Variants in TRAPPC8 observed in about 807,000 individuals in gnomAD.
The protein encoded by TRAPPC8 is general sporulation gene 1 homolog.
In TRAPPC8, 54 loss-of-function variants were observed where a neutral mutation model predicts 174.3. That is an observed-to-expected ratio of 0.31 (90% CI 0.25 to 0.39). The LOEUF is 0.39. Among genes scored for constraint, TRAPPC8 ranks in the 10% least tolerant of loss-of-function variants. The pLI is 1.00. For missense variants in TRAPPC8, 1,531 were observed against 1,699.1 expected, an observed-to-expected ratio of 0.90 and a Z score of 1.74; for synonymous variants, 630 against 579.9, an observed-to-expected ratio of 1.09 and a Z score of -1.24.
Position 31,917,535 on chromosome 18 carries a change from C to T in TRAPPC8, c.442+43G>A, listed in dbSNP as rs759918342. ...TAACTATTTCTGAGATTAATAACTT[C>T]CATAATATTTGATTTGAGGAGAACA... On this transcript the variant is annotated intron_variant, in intron 3 of 28. Coordinates refer to ENST00000283351, the MANE Select transcript of TRAPPC8 (RefSeq NM_014939.5). 3.2e-6 allele frequency: 5 copies of T among 1,540,684 alleles called. No homozygotes were observed. The African/African-American group carries it at 6.9e-5, about 21-fold the overall frequency.
At chr18:31,892,308 A>T (rs1397490765) in intron 11 of TRAPPC8, among the ~76,000 whole-genome samples, 1 of 152,150 alleles carries the variant, frequency 6.6e-6, no homozygotes, top group Non-Finnish European at 1.5e-5. Context: ...ATGCATTTTT[A>T]AAAATACACA....
At chr18:31,920,641 A>G (rs574681073) in intron 2 of TRAPPC8, among the ~76,000 whole-genome samples, 39 of 152,044 alleles carry the variant, frequency 2.6e-4, no homozygotes, top group African/African-American at 9.4e-4. Context: ...CTCTACTAAA[A>G]AAAAATACAA....
intron 5 of TRAPPC8, among the ~76,000 whole-genome samples, chr18:31,910,349 G>A (rs757269212): frequency 2.0e-5 from 3 of 152,162 alleles, no homozygotes; most frequent in Non-Finnish European, 4.4e-5. Flanking sequence ...ATTATTCTGA[G>A]TGTCACACTT....
At chr18:31,892,513 A>G (rs2035998230) in intron 11 of TRAPPC8, among the ~76,000 whole-genome samples, 1 of 152,176 alleles carries the variant, frequency 6.6e-6, no homozygotes, top group African/African-American at 2.4e-5. Context: ...AACTATCCTT[A>G]TAGAAACATT....
rs1335132049 is a variant in TRAPPC8 at position 31,897,797 on chromosome 18, A to C, written c.1585T>G (p.Leu529Val). Residue 529 changes from leucine to valine, a missense_variant, in exon 11 of 29, where the codon TTG (leucine) becomes GTG (valine). Leu to Val is a conservative substitution (Grantham distance 32). Transcript: ENST00000283351. The part of the protein sequence containing the change: ...YSEAAALLIR[L>V]TSEDSDLRSA... ...CACAGTTTCAGTACCTCACTGGTCA[A>C]CCGTATTAGGAGAGCTGCAGCCTCT... The C allele has an allele frequency of 1.2e-6, 2 of 1,602,006 alleles. No homozygotes were observed. The highest frequency in any genetic ancestry group is 2.3e-5 in the South Asian group (2 of 88,880).
At position 31,942,892 on chromosome 18, in the gene TRAPPC8, G is replaced by A. The variant is rs1343128230; in HGVS notation, c.-128C>T. ...CGGGCGGGGCCCCGAACGCACTGGA[G>A]CCTAGAAACAAGAAGGAACAGACGC... On this transcript the variant is annotated 5_prime_UTR_variant, in exon 1 of 29. Transcript: ENST00000283351. 2.4e-6 allele frequency: 3 copies of A among 1,246,116 alleles called. No individual in the cohort carries two copies. The highest frequency in any genetic ancestry group is 3.0e-6 in the Non-Finnish European group (3 of 995,526). 77.2% of individuals were successfully genotyped at this position (1,246,116 alleles called of 1,614,324 possible).
At chr18:31,864,209 A>G (rs947006092) in intron 19 of TRAPPC8, among the ~76,000 whole-genome samples, 6 of 151,744 alleles carry the variant, frequency 4.0e-5, no homozygotes, top group African/African-American at 1.2e-4. Context: ...TTTGTATGGT[A>G]TAAAAGTAGG....
chr18:31,883,274 G>A (rs2035549005), intron 12 of TRAPPC8: 1 of 149,452 alleles, frequency 6.7e-6, no homozygotes, highest in Non-Finnish European at 1.5e-5. Context: ...CTCAGTGCCA[G>A]CAGCAGTATG....
chr18:31,881,020 A>G (rs1457658247), intron 12 of TRAPPC8, among the ~76,000 whole-genome samples: 1 of 152,084 alleles, frequency 6.6e-6, no homozygotes, highest in Non-Finnish European at 1.5e-5. Flanking sequence ...AAAAAAACCC[A>G]CGCTCACAGA....
At position 31,927,314 on chromosome 18, in the gene TRAPPC8, G is replaced by A. The variant is rs149258694; in HGVS notation, c.352+4015C>T. 5.7e-3 allele frequency among the ~76,000 whole-genome samples: 872 copies of A among 151,994 alleles called. 6 individuals are homozygous for A. The highest frequency in any genetic ancestry group is 0.02 in the African/African-American group (830 of 41,462). ...GACTCACTCTGTTGCCCAGGCTGGA[G>A]TGCAGTGGCGTGATCTCGGCTGACT... is the stretch of plus-strand genomic sequence containing the variant. On this transcript the variant is annotated intron_variant, in intron 2 of 28. Coordinates refer to ENST00000283351, the MANE Select transcript of TRAPPC8 (RefSeq NM_014939.5).
chr18:31,932,969 GC>G (rs779352759), intron 1 of TRAPPC8, among the ~76,000 whole-genome samples: 1 of 127,380 alleles, frequency 7.9e-6, no homozygotes, highest in South Asian at 2.6e-4. Context: ...CTGCATTCCA[GC>G]CTGGGCGACA....
intron 9 of TRAPPC8, among the ~76,000 whole-genome samples, chr18:31,904,129 TG>T (rs1249982705): frequency 1.3e-5 from 2 of 150,024 alleles, no homozygotes; most frequent in African/African-American, 4.9e-5. Context: ...CCAGCTACTG[TG>T]GGGGGCTGAG....
Position 31,924,780 on chromosome 18 carries a change from A to G in TRAPPC8, c.352+6549T>C, listed in dbSNP as rs1021196184. ...AAAAAAAAATCCGCCTGAAGAGTTA[A>G]GCTATAGTAATTGCCTCCACCTGCT... On this transcript the variant is annotated intron_variant, in intron 2 of 28. Coordinates refer to ENST00000283351, the MANE Select transcript of TRAPPC8 (RefSeq NM_014939.5). Among the ~76,000 whole-genome samples, 6 of 151,432 alleles carry G rather than the reference A, an allele frequency of 4.0e-5. No homozygotes were observed. In the South Asian group the frequency reaches 1.3e-3, roughly 32 times the overall value.
intron 27 of TRAPPC8, chr18:31,832,590 G>A (rs2144906742): frequency 6.6e-6 from 1 of 152,284 alleles, no homozygotes. Flanking sequence ...GGCCTAGACT[G>A]ACATTTGTTT....
At chr18:31,922,136 TAG>T (rs1330024574) in intron 2 of TRAPPC8, among the ~76,000 whole-genome samples, 12 of 152,198 alleles carry the variant, frequency 7.9e-5, no homozygotes. Context: ...GGGACATGAA[TAG>T]AGGACAAGCC....
chr18:31,873,481 T>C lies in TRAPPC8; in HGVS notation c.2011A>G (p.Asn671Asp), dbSNP rs982316553. ...AAAAAAACCCGTGTTGCTGAACTGT[T>C]AATATACGGTAAAGGAAGCTGTGGC... ...PLPQLPLPYI[N>D]SSATRVFFGH... Residue 671 changes from asparagine to aspartate, a missense_variant, in exon 14 of 29, where the codon AAC (asparagine) becomes GAC (aspartate). By Grantham distance (23) the Asn-to-Asp change is conservative (BLOSUM62 1). Coordinates refer to ENST00000283351, the MANE Select transcript of TRAPPC8 (RefSeq NM_014939.5). 6.8e-6 allele frequency: 11 copies of C among 1,613,840 alleles called. No individual in the cohort carries two copies. Among genetic ancestry groups the C allele is most frequent in the Non-Finnish European group, 9.3e-6 (11 of 1,179,912 alleles).
intron 2 of TRAPPC8, among the ~76,000 whole-genome samples, chr18:31,924,795 C>T (rs1404710227): frequency 1.3e-5 from 2 of 150,736 alleles, no homozygotes; most frequent in African/African-American, 4.9e-5. Flanking sequence ...TAGTAATTGC[C>T]TCCACCTGCT....
At chr18:31,937,122 G>C (rs2038140208) in intron 1 of TRAPPC8, among the ~76,000 whole-genome samples, 1 of 152,130 alleles carries the variant, frequency 6.6e-6, no homozygotes, top group Admixed American at 6.6e-5. Flanking sequence ...TCTGAGGCAG[G>C]AGAATGGAGT....
chr18:31,870,581 T>C (rs2034806793), intron 15 of TRAPPC8, 79 bp from the exon 16 acceptor site: 2 of 1,455,774 alleles, frequency 1.4e-6, no homozygotes, highest in Admixed American at 2.0e-5. Context: ...TAAATGCATC[T>C]TGCTTTCATA....
Sources: allele counts gnomAD v4.1 joint callset (sites outside exome capture counted in the v4.1 genomes callset), GRCh38; gene constraint gnomAD v4.1.1; transcripts MANE v1.5; gene names NCBI Gene and HGNC (gene_info 2026-07-23, HGNC 2026-07-21).